UNC13B: variants seen among roughly 807,000 people sequenced by gnomAD.
The protein encoded by UNC13B is unc-13 homolog B.
Under a neutral mutation model 211.0 loss-of-function variants are expected in UNC13B, and 144 were observed. The ratio of observed to expected loss-of-function variants is 0.68; its 90% CI spans 0.60 to 0.78. UNC13B has a LOEUF of 0.78. UNC13B is among the 30% of genes least tolerant of loss of function. The pLI is 0.00. For missense variants in UNC13B, 1,777 were observed against 2,002.0 expected (o/e 0.89, Z 2.14); for synonymous variants, 709 against 725.8 (o/e 0.98, Z 0.37).
At chr9:35,245,990 C>T (rs2131569050) in intron 6 of UNC13B, among the ~76,000 whole-genome samples, 1 of 152,330 alleles carries the variant, frequency 6.6e-6, no homozygotes, top group South Asian at 2.1e-4. Flanking sequence ...GTTCCTATTT[C>T]TCCACATCCT....
At chr9:35,255,019 G>GTATATATAATATATAT (rs1826770315) in intron 6 of UNC13B, among the ~76,000 whole-genome samples, 1 of 106,696 alleles carries the variant, frequency 9.4e-6, no homozygotes, top group African/African-American at 3.7e-5. Context: ...ATTAATATAT[G>GTATATATAATATATAT]TATATATAAT....
At chr9:35,237,863 C>G in intron 5 of UNC13B, 37 bp downstream of exon 5, 1 of 1,574,754 alleles carries the variant, frequency 6.4e-7, no homozygotes, top group Non-Finnish European at 8.6e-7. Context: ...TAATTTTTAC[C>G]ATATTGTTTG....
intron 1 of UNC13B, among the ~76,000 whole-genome samples, 177 bp downstream of exon 1, chr9:35,162,482 C>T (rs1057144087): frequency 3.3e-5 from 5 of 152,204 alleles, no homozygotes; most frequent in Admixed American, 3.3e-4. Flanking sequence ...TCTTGTTTTC[C>T]CCCAAGCTCC....
At chr9:35,399,841 G>A (rs781402441) in intron 36 of UNC13B, 112 bp downstream of exon 36, 4 of 1,054,296 alleles carry the variant, frequency 3.8e-6, no homozygotes, top group Non-Finnish European at 5.8e-6. Context: ...ACATCCAGAA[G>A]AGAGTTACTA....
chr9:35,210,513 C>A (rs1823907854), intron 1 of UNC13B, among the ~76,000 whole-genome samples: 1 of 123,970 alleles, frequency 8.1e-6, no homozygotes, highest in Non-Finnish European at 1.6e-5. Context: ...TAAACCATTC[C>A]CTGTTTAATA....
At chr9:35,218,940 G>T (rs1824414730) in intron 1 of UNC13B, among the ~76,000 whole-genome samples, 1 of 151,882 alleles carries the variant, frequency 6.6e-6, no homozygotes, top group Admixed American at 6.6e-5. Context: ...GTAGAGATGG[G>T]GTTTCTCCAT....
Position 35,305,281 on chromosome 9 carries a change from G to C in UNC13B, c.5877G>C (p.Lys1959Asn). 2.5e-6 allele frequency: 1 copy of C among 398,944 alleles called. No homozygotes were observed. The allele number at this position is 398,944 out of a possible 1,614,324, so 24.7% of individuals were successfully genotyped here. ...AAGAAGGATCACCAAACTTAGAAAA[G>C]ATTGGTGATACAAATGTCAAGATAC... ...VNKEGSPNLE[K>N]IGDTNVKIPP... Residue 1959 changes from lysine to asparagine, a missense_variant, in exon 9 of 40, where the codon AAG (lysine) becomes AAC (asparagine). Physicochemically the swap from Lys to Asn is moderately conservative, Grantham distance 94. Transcript: ENST00000635942.
chr9:35,247,594 T>C (rs1826182133), intron 6 of UNC13B, among the ~76,000 whole-genome samples: 1 of 152,234 alleles, frequency 6.6e-6, no homozygotes, highest in Non-Finnish European at 1.5e-5. Context: ...AGACCTTTTC[T>C]GCATCTATTG....
intron 1 of UNC13B, among the ~76,000 whole-genome samples, chr9:35,171,819 GTTTA>G (rs1039108897): frequency 2.0e-5 from 3 of 152,100 alleles, no homozygotes; most frequent in South Asian, 2.1e-4. Flanking sequence ...ATATACTGTT[GTTTA>G]TTTATTTAAT....
At chr9:35,223,308 T>C (rs898878964) in intron 1 of UNC13B, among the ~76,000 whole-genome samples, 1 of 152,208 alleles carries the variant, frequency 6.6e-6, no homozygotes. Flanking sequence ...CACGTTCCTG[T>C]CCACAGTGTA....
intron 11 of UNC13B, among the ~76,000 whole-genome samples, chr9:35,360,285 C>G (rs1833323673): frequency 6.6e-6 from 1 of 152,150 alleles, no homozygotes; most frequent in Admixed American, 6.5e-5. Flanking sequence ...ATTGTTATTT[C>G]TTATGGAAAG....
rs369901306 is a variant in UNC13B, at chr9:35,344,216, G to A, written c.9415-22731G>A. 6.2e-4 allele frequency among the ~76,000 whole-genome samples: 95 copies of A among 152,140 alleles called. No individual in the cohort carries two copies. In the South Asian group the frequency reaches 0.015, roughly 24 times the overall value. ...ACTGGAGAGATACCAGCTAATTGAT[G>A]GTCTGGCAGAGACCGGTGCTGCCAT... On this transcript the variant is annotated intron_variant, in intron 11 of 39. Transcript: ENST00000635942.
intron 1 of UNC13B, among the ~76,000 whole-genome samples, chr9:35,190,700 A>G (rs1229384963): frequency 6.6e-6 from 1 of 152,236 alleles, no homozygotes; most frequent in Non-Finnish European, 1.5e-5. Flanking sequence ...ACTAAAAAGA[A>G]AAAAGACTTT....
At chr9:35,318,389 C>T (rs1395952430) in intron 11 of UNC13B, among the ~76,000 whole-genome samples, 2 of 152,036 alleles carry the variant, frequency 1.3e-5, no homozygotes, top group Non-Finnish European at 2.9e-5. Flanking sequence ...TTTTTTGCCC[C>T]GCTGCCGCCC....
intron 1 of UNC13B, among the ~76,000 whole-genome samples, chr9:35,224,967 G>A (rs1271708424): frequency 2.0e-5 from 3 of 151,402 alleles, no homozygotes; most frequent in African/African-American, 7.3e-5. Context: ...AAAGGCGTTT[G>A]ATAAAATTCA....
intron 37 of UNC13B, among the ~76,000 whole-genome samples, chr9:35,401,040 C>G (rs566478614): frequency 6.6e-6 from 1 of 152,310 alleles, no homozygotes; most frequent in East Asian, 1.9e-4. Flanking sequence ...CAGAACCCCT[C>G]CCTACCTCCA....
Position 35,396,841 on chromosome 9 carries a change from G to A in UNC13B, c.11436G>A (p.Ala3812=), listed in dbSNP as rs1202678871. 2.5e-6 allele frequency: 4 copies of A among 1,614,078 alleles called. No homozygotes were observed. In the Admixed American group the frequency reaches 5.0e-5, roughly 20 times the overall value. ...VLQGQVPEYP[A]WFEQFVLQWL... ...CCCTGTTCTCCTGCTGTGGCTGCAG[G>A]TGGTTTGAGCAGTTCGTGCTACAAT... The change falls in exon 28 of 40, where the codon GCG becomes GCA. Residue 3812 remains alanine, a splice_region_variant and synonymous_variant. Transcript: ENST00000635942.
intron 1 of UNC13B, among the ~76,000 whole-genome samples, chr9:35,169,056 A>G (rs184079271): frequency 3.9e-5 from 6 of 152,292 alleles, no homozygotes; most frequent in Admixed American, 3.3e-4. Flanking sequence ...TGCCCTTTAA[A>G]AAACTCGTTA....
chr9:35,375,324 A>G (rs1261651802), intron 14 of UNC13B, 123 bp downstream of exon 14: 3 of 1,032,370 alleles, frequency 2.9e-6, no homozygotes, highest in Non-Finnish European at 4.5e-6. Flanking sequence ...ATTGCTGATG[A>G]AAAAGATAGA....
Sources: gnomAD v4.1 joint callset for allele counts (sites outside exome capture counted in the v4.1 genomes callset) on GRCh38, gnomAD v4.1.1 for gene constraint, MANE v1.5 for transcripts, NCBI Gene and HGNC (gene_info 2026-07-23, HGNC 2026-07-21) for gene names.